Variants in OPCML observed in about 807,000 individuals in gnomAD.
OPCML encodes opioid-binding protein/cell adhesion molecule.
OPCML carries 13 observed loss-of-function variants against 37.8 expected under a neutral mutation model. The observed-to-expected ratio is 0.34, with a 90% confidence interval of 0.22 to 0.55. OPCML has a LOEUF of 0.55. OPCML is among the 20% of genes least tolerant of loss of function. The probability of loss-of-function intolerance (pLI) is 0.91; values close to 1 mark genes in which losing one functional copy is unlikely to be tolerated. For synonymous variants in OPCML, 176 were observed against 168.8 expected (o/e 1.04, Z -0.33); for missense variants, 341 against 435.6 (o/e 0.78, Z 1.93).
intron 1 of OPCML, among the ~76,000 whole-genome samples, chr11:133,070,574 A>C (rs1948514621): frequency 1.3e-5 from 2 of 152,172 alleles, no homozygotes; most frequent in Non-Finnish European, 2.9e-5. Context: ...AGAGCCTATG[A>C]AGAGAGGTAA....
At chr11:133,295,404 C>T (rs188408825) in intron 1 of OPCML, among the ~76,000 whole-genome samples, 1 of 152,244 alleles carries the variant, frequency 6.6e-6, no homozygotes, top group East Asian at 1.9e-4. Flanking sequence ...CCAGGCTTTA[C>T]ACCGATCTGA....
chr11:133,075,752 T>C (rs1156329861), intron 1 of OPCML, among the ~76,000 whole-genome samples: 1 of 152,160 alleles, frequency 6.6e-6, no homozygotes, highest in Non-Finnish European at 1.5e-5. Context: ...ACTCTTTAAC[T>C]TGGGGAGCTG....
At chr11:133,216,347 G>A (rs575644668) in intron 1 of OPCML, among the ~76,000 whole-genome samples, 2 of 152,288 alleles carry the variant, frequency 1.3e-5, no homozygotes, top group South Asian at 2.1e-4. Context: ...TGCAATAGAA[G>A]CATTTGATTT....
intron 4 of OPCML, among the ~76,000 whole-genome samples, chr11:132,451,281 A>G (rs530156266): frequency 6.6e-6 from 1 of 150,442 alleles, no homozygotes; most frequent in Non-Finnish European, 1.5e-5. Context: ...TCATCCAGGA[A>G]CTCTTCTATC....
At chr11:133,263,033 G>A (rs968243374) in intron 1 of OPCML, among the ~76,000 whole-genome samples, 3 of 151,780 alleles carry the variant, frequency 2.0e-5, no homozygotes, top group Non-Finnish European at 4.4e-5. Context: ...GCAAGCAGAA[G>A]AGTGGTCATG....
intron 1 of OPCML, among the ~76,000 whole-genome samples, chr11:133,209,240 T>C (rs1939250074): frequency 6.6e-6 from 1 of 152,226 alleles, no homozygotes; most frequent in Admixed American, 6.5e-5. Flanking sequence ...TGTTTACCCC[T>C]AGAATTTCCG....
chr11:132,594,224 A>C (rs980604307), intron 3 of OPCML, among the ~76,000 whole-genome samples: 1 of 152,200 alleles, frequency 6.6e-6, no homozygotes, highest in Non-Finnish European at 1.5e-5. Flanking sequence ...GAAAATACAT[A>C]AGGTCATAAG....
intron 2 of OPCML, among the ~76,000 whole-genome samples, chr11:132,765,588 A>G (rs1036605745): frequency 1.3e-5 from 2 of 152,224 alleles, no homozygotes; most frequent in Non-Finnish European, 2.9e-5. Flanking sequence ...CTATCAGAAC[A>G]AGAACACTGG....
chr11:133,370,013 A>C (rs1158440956), intron 1 of OPCML, among the ~76,000 whole-genome samples: 7 of 152,194 alleles, frequency 4.6e-5, no homozygotes, highest in Non-Finnish European at 4.4e-5. Flanking sequence ...CCTGAAGATA[A>C]ATTTATACAA....
At chr11:133,271,511 T>C (rs1473982200) in intron 1 of OPCML, among the ~76,000 whole-genome samples, 2 of 152,226 alleles carry the variant, frequency 1.3e-5, no homozygotes, top group Admixed American at 6.5e-5. Flanking sequence ...ATAATAATGA[T>C]ACTAATTAGC....
At chr11:133,126,332 G>A (rs552730600) in intron 1 of OPCML, among the ~76,000 whole-genome samples, 8 of 152,194 alleles carry the variant, frequency 5.3e-5, no homozygotes, top group South Asian at 2.1e-4. Context: ...CGATGGACTG[G>A]ATGATGCCCA....
chr11:133,004,969 T>A (rs1220216256), intron 1 of OPCML: 2 of 985,236 alleles, frequency 2.0e-6, no homozygotes, highest in Non-Finnish European at 2.4e-6. Flanking sequence ...TACATCATGG[T>A]CCTTCCCACC....
intron 2 of OPCML, among the ~76,000 whole-genome samples, chr11:132,680,059 A>C (rs917773872): frequency 6.6e-6 from 1 of 152,188 alleles, no homozygotes; most frequent in Non-Finnish European, 1.5e-5. Flanking sequence ...CATGTATTCC[A>C]GAATGTGCTC....
rs1169680732 is a variant in OPCML, at chr11:132,560,961, T to C, written c.380-31775A>G. ...TATCTTTGTTTTTGTTGCATTTGCCTTTGGGTTCTTGGTCATGAAGACTTT... is the reference window on the plus strand; with the variant it reads ...TATCTTTGTTTTTGTTGCATTTGCCCTTGGGTTCTTGGTCATGAAGACTTT... On this transcript the variant is annotated intron_variant, in intron 3 of 7. Transcript: ENST00000524381. Among the ~76,000 whole-genome samples, 3 of 152,208 alleles carry C rather than the reference T, an allele frequency of 2.0e-5. No individual in the cohort carries two copies. The East Asian group carries it at 5.8e-4, about 29-fold the overall frequency.
intron 2 of OPCML, among the ~76,000 whole-genome samples, chr11:132,746,178 G>T (rs3016390): frequency 6.6e-6 from 1 of 151,662 alleles, no homozygotes; most frequent in African/African-American, 2.4e-5. Context: ...GACAAGGAGA[G>T]AAGTGATGTT....
chr11:133,505,765 A>T (rs1349026361), intron 1 of OPCML, among the ~76,000 whole-genome samples: 1 of 152,242 alleles, frequency 6.6e-6, no homozygotes, highest in African/African-American at 2.4e-5. Context: ...GAGGACATGA[A>T]TTATAACTAT....
At chr11:132,652,993 C>T (rs189749692) in intron 3 of OPCML, among the ~76,000 whole-genome samples, 27 of 152,156 alleles carry the variant, frequency 1.8e-4, no homozygotes, top group African/African-American at 3.4e-4. Flanking sequence ...CTGTTATCTA[C>T]GAATAGTTAA....
At chr11:132,736,080 G>A (rs948005) in intron 2 of OPCML, among the ~76,000 whole-genome samples, 41,362 of 152,080 alleles carry the variant, frequency 0.27, 6,160 homozygotes, top group Middle Eastern at 0.36. Flanking sequence ...TTATGAACCA[G>A]CAACTCCTAT....
chr11:132,568,417 C>A (rs1311263028), intron 3 of OPCML, among the ~76,000 whole-genome samples: 1 of 152,188 alleles, frequency 6.6e-6, no homozygotes, highest in East Asian at 1.9e-4. Context: ...ACCTCAGAAC[C>A]TCAGTATATG....
Sources: gnomAD v4.1 joint callset for allele counts (sites outside exome capture counted in the v4.1 genomes callset) on GRCh38, gnomAD v4.1.1 for gene constraint, MANE v1.5 for transcripts, NCBI Gene and HGNC (gene_info 2026-07-23, HGNC 2026-07-21) for gene names.